Variants in TMEM272 observed in about 807,000 individuals in gnomAD.
TMEM272 encodes the protein transmembrane protein 272, also known as long intergenic non-protein coding RNA 282.
A neutral mutation model predicts 3.7 loss-of-function variants in TMEM272; 8 were observed. The observed-to-expected ratio is 2.17, with a 90% CI of 1.27 to 3.91. The LOEUF is 3.91. TMEM272 is among the 30% of genes most tolerant of loss of function. The pLI is 0.00. For missense variants in TMEM272, 166 were observed against 91.5 expected, an observed-to-expected ratio of 1.81 and a Z score of -3.32; for synonymous variants, 63 against 39.8, an observed-to-expected ratio of 1.58 and a Z score of -2.20.
At chr13:51,833,003 G>GA (rs2139573603) in intron 2 of TMEM272, among the ~76,000 whole-genome samples, 1 of 152,310 alleles carries the variant, frequency 6.6e-6, no homozygotes, top group South Asian at 2.1e-4. Flanking sequence ...CCTGGAGGAG[G>GA]AAAGAGTCCC....
At chr13:51,892,044 G>A in the TMEM272 span, among the ~76,000 whole-genome samples, 4 of 152,110 alleles carry the variant, frequency 2.6e-5, no homozygotes, top group Non-Finnish European at 5.9e-5. Flanking sequence ...GTGGCAATAC[G>A]GTCCATTTTC....
the TMEM272 span, chr13:51,932,346 ACT>A: frequency 2.0e-5 from 3 of 152,168 alleles, no homozygotes; most frequent in Non-Finnish European, 4.4e-5. Context: ...TTTTGCAGAC[ACT>A]CACCCTAGAA....
chr13:51,820,917 G>A (rs1428692358), intron 4 of TMEM272, among the ~76,000 whole-genome samples: 2 of 152,208 alleles, frequency 1.3e-5, no homozygotes, highest in African/African-American at 4.8e-5. Context: ...AGGAGATGGG[G>A]ACATTTAACA....
chr13:51,909,821 C>G, the TMEM272 span: 3 of 1,589,260 alleles, frequency 1.9e-6, no homozygotes, highest in Non-Finnish European at 2.6e-6. Context: ...AGCGTTCAGT[C>G]AGAGTCTCGA....
chr13:51,933,661 G>A, the TMEM272 span: 1 of 152,198 alleles, frequency 6.6e-6, no homozygotes, highest in Non-Finnish European at 1.5e-5. Flanking sequence ...GGCTCAGGGA[G>A]GCTGTGTTTT....
chr13:51,888,018 T>C, the TMEM272 span, among the ~76,000 whole-genome samples: 3 of 151,394 alleles, frequency 2.0e-5, no homozygotes, highest in Admixed American at 1.3e-4. Context: ...GATTGCATTA[T>C]ACATATTGTA....
chr13:51,876,999 T>C, the TMEM272 span, among the ~76,000 whole-genome samples: 2 of 152,144 alleles, frequency 1.3e-5, no homozygotes, highest in Admixed American at 6.6e-5. Context: ...AAGATTTGGT[T>C]AGAAGGGAGA....
At chr13:51,912,251 T>G in the TMEM272 span, among the ~76,000 whole-genome samples, 1 of 152,152 alleles carries the variant, frequency 6.6e-6, no homozygotes, top group Admixed American at 6.5e-5. Flanking sequence ...TATTCGGTAA[T>G]TATTAAGAAG....
At chr13:51,889,892 C>T in the TMEM272 span, among the ~76,000 whole-genome samples, 9 of 152,292 alleles carry the variant, frequency 5.9e-5, no homozygotes, top group Admixed American at 4.6e-4. Flanking sequence ...CCGCCCACCT[C>T]GGCCCCCCAA....
chr13:51,920,832 A>G, the TMEM272 span, among the ~76,000 whole-genome samples: 7 of 152,296 alleles, frequency 4.6e-5, no homozygotes, highest in African/African-American at 1.7e-4. Flanking sequence ...TCTTGGCTGT[A>G]GATCCCTCAC....
At chr13:51,930,845 G>A in the TMEM272 span, among the ~76,000 whole-genome samples, 1 of 150,860 alleles carries the variant, frequency 6.6e-6, no homozygotes, top group Non-Finnish European at 1.5e-5. Flanking sequence ...TAAAAAATAA[G>A]TTTTTATTTT....
At chr13:51,908,499 G>A in the TMEM272 span, 23 of 1,510,766 alleles carry the variant, frequency 1.5e-5, no homozygotes, top group African/African-American at 6.9e-5. Context: ...TCTCATGAAC[G>A]GGCCCCTCGT....
At chr13:51,882,631 G>T in the TMEM272 span, among the ~76,000 whole-genome samples, 2 of 151,902 alleles carry the variant, frequency 1.3e-5, no homozygotes, top group African/African-American at 4.8e-5. Flanking sequence ...AACCTGCCAA[G>T]AATATATTAA....
the TMEM272 span, among the ~76,000 whole-genome samples, chr13:51,872,766 G>A: frequency 2.7e-3 from 406 of 152,356 alleles, 1 homozygote; most frequent in African/African-American, 8.8e-3. Context: ...GACACCACTG[G>A]AGGGTGTTAG....
chr13:51,852,045 G>GTTT, the TMEM272 span, among the ~76,000 whole-genome samples: 1 of 152,212 alleles, frequency 6.6e-6, no homozygotes. Context: ...GCAAATTCAC[G>GTTT]TGTAATTTTC....
the TMEM272 span, chr13:51,866,022 G>A: frequency 6.2e-7 from 1 of 1,609,958 alleles, no homozygotes; most frequent in Non-Finnish European, 8.5e-7. Context: ...CTCGAAGATG[G>A]GCCCCACAAC....
the TMEM272 span, among the ~76,000 whole-genome samples, chr13:51,905,596 A>G: frequency 2.6e-5 from 4 of 152,216 alleles, no homozygotes; most frequent in African/African-American, 9.6e-5. Context: ...GGTCGACCCA[A>G]GCAGGAAGTG....
At chr13:51,822,453 G>C (rs773168140) in intron 3 of TMEM272, among the ~76,000 whole-genome samples, 2 of 152,178 alleles carry the variant, frequency 1.3e-5, no homozygotes, top group Non-Finnish European at 2.9e-5. Flanking sequence ...CAGTGTATGA[G>C]AACTCAAGTT....
chr13:51,817,280 A>T (rs1956040991), intron 4 of TMEM272, among the ~76,000 whole-genome samples, 167 bp from the exon 5 acceptor site: 1 of 152,220 alleles, frequency 6.6e-6, no homozygotes, highest in Non-Finnish European at 1.5e-5. Context: ...AATGCCATCA[A>T]GCAACGAAAT....
Sources: allele counts gnomAD v4.1 joint callset (sites outside exome capture counted in the v4.1 genomes callset), GRCh38; gene constraint gnomAD v4.1.1; transcripts MANE v1.5; gene names NCBI Gene and HGNC (gene_info 2026-07-23, HGNC 2026-07-21).